HCN1: variants seen among roughly 807,000 people sequenced by gnomAD.
The protein encoded by HCN1 is potassium/sodium hyperpolarization-activated cyclic nucleotide-gated channel 1.
In HCN1, 13 loss-of-function variants were observed where a neutral mutation model predicts 78.9. That is an observed-to-expected ratio of 0.16 (90% CI 0.11 to 0.26). HCN1 has a LOEUF of 0.26. Among genes scored for constraint, HCN1 ranks in the 10% least tolerant of loss-of-function variants. HCN1 has a pLI of 1.00. For missense variants in HCN1, 810 were observed against 1,154.3 expected, an observed-to-expected ratio of 0.70 and a Z score of 4.32; for synonymous variants, 552 against 455.5, an observed-to-expected ratio of 1.21 and a Z score of -2.70.
intron 3 of HCN1, among the ~76,000 whole-genome samples, chr5:45,428,085 G>A (rs1334866027): frequency 6.6e-6 from 1 of 151,856 alleles, no homozygotes; most frequent in African/African-American, 2.4e-5. Context: ...CTATGAACCT[G>A]TATTCACTTC....
In HCN1 at chr5:45,311,449, C is replaced by T. The variant is rs1181665084; in HGVS notation, c.1378-7610G>A. Reference sequence around the variant, plus strand: ...GCTTATATTAGAAAATTTGTTTAAACATCTTAGAAGGGAATTGATAATTTT... The same window carrying T: ...GCTTATATTAGAAAATTTGTTTAAATATCTTAGAAGGGAATTGATAATTTT... On this transcript the variant is annotated intron_variant, in intron 5 of 7. Coordinates refer to ENST00000303230, the MANE Select transcript of HCN1 (RefSeq NM_021072.4). Among the ~76,000 whole-genome samples the T allele has an allele frequency of 5.1e-4, 78 of 152,218 alleles. 1 individual carries two copies. Among genetic ancestry groups the T allele is most frequent in the East Asian group, 1.9e-4 (1 of 5,170 alleles).
At chr5:45,361,183 C>G (rs2111991494) in intron 4 of HCN1, among the ~76,000 whole-genome samples, 1 of 152,236 alleles carries the variant, frequency 6.6e-6, no homozygotes, top group Admixed American at 6.6e-5. Context: ...AGATTACAGG[C>G]ATGCATCTCC....
intron 2 of HCN1, among the ~76,000 whole-genome samples, chr5:45,565,524 AAAT>A (rs1260787252): frequency 6.6e-6 from 1 of 152,092 alleles, no homozygotes; most frequent in Admixed American, 6.6e-5. Flanking sequence ...AGAGTGGTAA[AAAT>A]AATTAAGCAG....
intron 2 of HCN1, among the ~76,000 whole-genome samples, chr5:45,583,137 T>A (rs1193973746): frequency 6.6e-6 from 1 of 152,196 alleles, no homozygotes; most frequent in African/African-American, 2.4e-5. Flanking sequence ...AGAATTTGGC[T>A]GTGAATCCAT....
intron 6 of HCN1, among the ~76,000 whole-genome samples, chr5:45,285,186 T>A (rs1016383083): frequency 6.6e-6 from 1 of 152,132 alleles, no homozygotes; most frequent in South Asian, 2.1e-4. Flanking sequence ...TCAACTTTTC[T>A]TTGACACACT....
At chr5:45,333,685 G>T (rs1451542518) in intron 5 of HCN1, among the ~76,000 whole-genome samples, 1 of 151,866 alleles carries the variant, frequency 6.6e-6, no homozygotes, top group African/African-American at 2.4e-5. Context: ...TAGGGGTCTA[G>T]TTTCATTCTT....
Position 45,262,155 on chromosome 5 carries a change from G to T in HCN1, c.2439C>A (p.Ala813=), listed in dbSNP as rs1356149824. The T allele has an allele frequency of 3.7e-6, 6 of 1,613,734 alleles. No homozygotes were observed. In the African/African-American group the frequency reaches 6.7e-5, roughly 18 times the overall value. ...RPHPTVGESL[A]SIPQPVTAVP... ...CCGCCGTCACGGGTTGAGGGATGGA[G>T]GCCAGGGACTCGCCCACAGTGGGAT... The change falls in exon 8 of 8, where the codon GCC becomes GCA. Residue 813 remains alanine (A), a synonymous_variant. Coordinates refer to ENST00000303230, the MANE Select transcript of HCN1 (RefSeq NM_021072.4).
At chr5:45,424,489 G>A (rs943318822) in intron 3 of HCN1, among the ~76,000 whole-genome samples, 7 of 151,996 alleles carry the variant, frequency 4.6e-5, no homozygotes, top group African/African-American at 1.7e-4. Context: ...ATATGGTTCA[G>A]AATCACAACA....
intron 6 of HCN1, among the ~76,000 whole-genome samples, chr5:45,300,645 C>A (rs1373642518): frequency 6.6e-6 from 1 of 152,200 alleles, no homozygotes; most frequent in Admixed American, 6.5e-5. Context: ...CTACTATTGT[C>A]AAGATTCTGC....
At chr5:45,371,968 ATATTATG>A (rs1260487520) in intron 4 of HCN1, among the ~76,000 whole-genome samples, 2 of 63,150 alleles carry the variant, frequency 3.2e-5, no homozygotes, top group Non-Finnish European at 5.4e-5. Context: ...ATTATATATT[ATATTATG>A]TATATTATAT....
chr5:45,395,835 A>T lies in HCN1; in HGVS notation c.1230+657T>A, dbSNP rs537959503. 6.8e-4 allele frequency among the ~76,000 whole-genome samples: 103 copies of T among 151,872 alleles called. 1 individual carries two copies. The highest frequency in any genetic ancestry group is 2.4e-3 in the African/African-American group (97 of 41,196). On this transcript the variant is annotated intron_variant, in intron 4 of 7. Transcript: ENST00000303230. ...CCCTATATTTAGCCCTAGCCAAAGA[A>T]ATTCTTCATGTGGGAAAAAAAAATC...
chr5:45,364,246 C>A (rs945202129), intron 4 of HCN1, among the ~76,000 whole-genome samples: 1 of 152,122 alleles, frequency 6.6e-6, no homozygotes, highest in African/African-American at 2.4e-5. Context: ...CTTGGACAAT[C>A]CTTCCCACTC....
chr5:45,319,950 A>G (rs980087299), intron 5 of HCN1, among the ~76,000 whole-genome samples: 1 of 151,862 alleles, frequency 6.6e-6, no homozygotes, highest in East Asian at 1.9e-4. Context: ...TGAAACCTCT[A>G]ATTCAGCTCC....
chr5:45,448,864 A>C (rs751569850), intron 3 of HCN1, among the ~76,000 whole-genome samples: 1 of 152,204 alleles, frequency 6.6e-6, no homozygotes, highest in Non-Finnish European at 1.5e-5. Flanking sequence ...CTGTAATCCC[A>C]GCACTTTGAG....
intron 6 of HCN1, among the ~76,000 whole-genome samples, chr5:45,285,631 T>G (rs1332092152): frequency 6.6e-6 from 1 of 152,024 alleles, no homozygotes; most frequent in Non-Finnish European, 1.5e-5. Context: ...TTCAAGATTG[T>G]TATCTGAAAA....
chr5:45,593,340 T>TCACACACACA (rs538486679), intron 2 of HCN1, among the ~76,000 whole-genome samples: 6 of 125,596 alleles, frequency 4.8e-5, no homozygotes, highest in African/African-American at 1.9e-4. Context: ...TCTCTCTCTC[T>TCACACACACA]CACACACACA....
At chr5:45,353,730 G>T (rs1483392245) in intron 4 of HCN1, among the ~76,000 whole-genome samples, 4 of 151,926 alleles carry the variant, frequency 2.6e-5, no homozygotes. Context: ...AGCTTGGCAG[G>T]TATTTGCAGA....
At chr5:45,309,428 T>C (rs1487984754) in intron 5 of HCN1, among the ~76,000 whole-genome samples, 1 of 152,070 alleles carries the variant, frequency 6.6e-6, no homozygotes, top group Non-Finnish European at 1.5e-5. Flanking sequence ...TGAGAGAAGA[T>C]ACCCTAGTCT....
intron 3 of HCN1, among the ~76,000 whole-genome samples, chr5:45,418,404 G>A (rs990478623): frequency 4.7e-5 from 7 of 148,990 alleles, no homozygotes; most frequent in African/African-American, 1.7e-4. Context: ...TAGCTCAGAT[G>A]AGCTCTGTGA....
Sources: gnomAD v4.1 joint callset for allele counts (sites outside exome capture counted in the v4.1 genomes callset) on GRCh38, gnomAD v4.1.1 for gene constraint, MANE v1.5 for transcripts, NCBI Gene and HGNC (gene_info 2026-07-23, HGNC 2026-07-21) for gene names.